The following PARD3 variants were observed in gnomAD, a reference collection of about 807,000 sequenced individuals.
PARD3 encodes partitioning defective 3 homolog.
PARD3 carries 75 observed loss-of-function variants against 155.4 expected under a neutral mutation model. The observed-to-expected ratio is 0.48, with a 90% CI of 0.40 to 0.58. The LOEUF is 0.58. Ranked by LOEUF, PARD3 falls within the 20% of genes least tolerant of loss-of-function variation. PARD3 has a pLI of 0.00. For synonymous variants in PARD3, 576 were observed against 610.5 expected (o/e 0.94, Z 0.83); for missense variants, 1,642 against 1,721.7 (o/e 0.95, Z 0.82).
At chr10:34,690,323 G>C (rs528091207) in intron 2 of PARD3, among the ~76,000 whole-genome samples, 2 of 152,210 alleles carry the variant, frequency 1.3e-5, no homozygotes, top group East Asian at 3.9e-4. Flanking sequence ...CACCAAAAAG[G>C]CCATATGCTA....
intron 1 of PARD3, among the ~76,000 whole-genome samples, chr10:34,760,938 T>TA (rs1230306420): frequency 6.6e-6 from 1 of 152,160 alleles, no homozygotes; most frequent in Non-Finnish European, 1.5e-5. Flanking sequence ...TTTAAACCAC[T>TA]AAGTTTTGGG....
chr10:34,611,800 T>C, intron 2 of PARD3, among the ~76,000 whole-genome samples: 1 of 145,220 alleles, frequency 6.9e-6, no homozygotes, highest in South Asian at 2.2e-4. Context: ...ATGTGATACA[T>C]TTCTTTCTTT....
Position 34,744,842 on chromosome 10 carries a change from G to A in PARD3, c.121-48423C>T, listed in dbSNP as rs147911903. Among the ~76,000 whole-genome samples the A allele has an allele frequency of 1.4e-3, 206 of 152,238 alleles. 1 individual carries two copies. Among genetic ancestry groups the A allele is most frequent in the Middle Eastern group, 0.01 (3 of 294 alleles). On this transcript the variant is annotated intron_variant, in intron 1 of 24. Transcript: ENST00000374788. ...ATCTGAGTGTCCTGTCTGATAAGAG[G>A]GGAGATTAGAAACCTTCTCTCCAGA... is the stretch of plus-strand genomic sequence containing the variant.
intron 15 of PARD3, chr10:34,343,897 AT>A: frequency 1.0e-6 from 1 of 983,420 alleles, no homozygotes; most frequent in South Asian, 4.7e-5. Flanking sequence ...ACATTTATTC[AT>A]TGGCAAATTT....
chr10:34,614,729 G>A (rs2091134808), intron 2 of PARD3, among the ~76,000 whole-genome samples: 8 of 152,122 alleles, frequency 5.3e-5, no homozygotes, highest in Admixed American at 5.2e-4. Context: ...GTGATCTACA[G>A]ATCGAATGCA....
chr10:34,370,337 A>G (rs1443841863), intron 12 of PARD3, among the ~76,000 whole-genome samples: 2 of 152,176 alleles, frequency 1.3e-5, no homozygotes, highest in Non-Finnish European at 2.9e-5. Flanking sequence ...TGCATTTCTT[A>G]ACAGAATACC....
At chr10:34,214,417 G>T (rs770503515) in intron 22 of PARD3, among the ~76,000 whole-genome samples, 2 of 151,994 alleles carry the variant, frequency 1.3e-5, no homozygotes, top group African/African-American at 4.8e-5. Flanking sequence ...GACCACAAAG[G>T]CCCTTATGGT....
intron 2 of PARD3, among the ~76,000 whole-genome samples, chr10:34,526,900 G>T (rs756599052): frequency 4.6e-5 from 7 of 152,098 alleles, no homozygotes; most frequent in Non-Finnish European, 8.8e-5. Flanking sequence ...ACATTCCCTC[G>T]TTGGGCTTCC....
chr10:34,119,310 T>C (rs1946850415), intron 24 of PARD3, among the ~76,000 whole-genome samples: 1 of 152,230 alleles, frequency 6.6e-6, no homozygotes, highest in African/African-American at 2.4e-5. Context: ...GAAGATACTG[T>C]CTTGTCCACA....
chr10:34,292,719 A>T (rs977465439), intron 20 of PARD3, among the ~76,000 whole-genome samples: 36 of 150,536 alleles, frequency 2.4e-4, no homozygotes, highest in East Asian at 9.7e-4. Flanking sequence ...CTTTATTATT[A>T]TTATTTTTTT....
intron 20 of PARD3, 45 bp downstream of exon 20, chr10:34,317,062 C>A: frequency 6.6e-7 from 1 of 1,507,264 alleles, no homozygotes; most frequent in Admixed American, 2.2e-5. Context: ...AGCTCACACT[C>A]CTGTATGTTT....
At chr10:34,266,221 T>A (rs1955296166) in intron 22 of PARD3, among the ~76,000 whole-genome samples, 1 of 110,442 alleles carries the variant, frequency 9.1e-6, no homozygotes, top group Admixed American at 8.4e-5. Context: ...CAAGAGATTG[T>A]CTTTCTATAA....
At chr10:34,241,053 C>A (rs932443450) in intron 22 of PARD3, among the ~76,000 whole-genome samples, 1 of 152,136 alleles carries the variant, frequency 6.6e-6, no homozygotes, top group African/African-American at 2.4e-5. Context: ...CTTAAGAGGG[C>A]AGAATCAGAA....
chr10:34,594,416 T>C (rs1461348197), intron 2 of PARD3, among the ~76,000 whole-genome samples: 1 of 152,166 alleles, frequency 6.6e-6, no homozygotes, highest in Non-Finnish European at 1.5e-5. Flanking sequence ...TCCAATATTT[T>C]TATTAACTGT....
At chr10:34,734,703 T>C (rs997009285) in intron 1 of PARD3, among the ~76,000 whole-genome samples, 8 of 152,248 alleles carry the variant, frequency 5.3e-5, no homozygotes, top group African/African-American at 1.9e-4. Flanking sequence ...GGTCCCTACC[T>C]TACCAAATAC....
In PARD3 at chr10:34,766,539, TAC is replaced by T. The variant is rs372183635; in HGVS notation, c.120+48335_120+48336del. 4.2e-3 allele frequency among the ~76,000 whole-genome samples: 601 copies of T among 144,718 alleles called. 3 individuals carry two copies. The highest frequency in any genetic ancestry group is 0.015 in the African/African-American group (556 of 38,274). The allele number at this position is 144,718 out of a possible 152,430, so 94.9% of individuals were successfully genotyped here. A position where few individuals can be genotyped will look rare whatever the true frequency, so the allele number is the denominator to read the frequency against. On this transcript the variant is annotated intron_variant, in intron 1 of 24. Transcript: ENST00000374788. ...GCAAAAGTTAATGGAAAAATCACAGTACAGATACACATTCTAATGAGACTAGA... is the reference window on the plus strand; with the variant it reads ...GCAAAAGTTAATGGAAAAATCACAGTAGATACACATTCTAATGAGACTAGA...
chr10:34,337,545 T>C, intron 16 of PARD3, 119 bp from the exon 17 acceptor site: 1 of 460,556 alleles, frequency 2.2e-6, no homozygotes, highest in Non-Finnish European at 3.6e-6. Flanking sequence ...TCAAGAAAAA[T>C]TCAACTAAAT....
At chr10:34,814,757 C>T (rs1226909524) in intron 1 of PARD3, 119 bp downstream of exon 1, 1 of 894,044 alleles carries the variant, frequency 1.1e-6, no homozygotes, top group African/African-American at 1.8e-5. Context: ...GCCCGACCGG[C>T]CGCACTTTCC....
chr10:34,395,769 G>A lies in PARD3; in HGVS notation c.890+3561C>T, dbSNP rs1319027165. ...GGAGAATGGCGTGAACCCGGGAAGC[G>A]GAGCTTGCAGTGAGCCGAGATTGCG... On this transcript the variant is annotated intron_variant, in intron 7 of 24. Coordinates refer to ENST00000374788, the MANE Select transcript of PARD3 (RefSeq NM_001184785.2). Among the ~76,000 whole-genome samples, 5 of 35,546 alleles carry A rather than the reference G, an allele frequency of 1.4e-4. 2 individuals are homozygous for A. The highest frequency in any genetic ancestry group is 1.2e-3 in the Admixed American group (5 of 4,138). The allele number at this position is 35,546 out of a possible 152,430, so 23.3% of individuals were successfully genotyped here. A position where few individuals can be genotyped will look rare whatever the true frequency, so the allele number is the denominator to read the frequency against.
Sources: allele counts gnomAD v4.1 joint callset (sites outside exome capture counted in the v4.1 genomes callset), GRCh38; gene constraint gnomAD v4.1.1; transcripts MANE v1.5; gene names NCBI Gene and HGNC (gene_info 2026-07-23, HGNC 2026-07-21).